Variants in LEPR observed in about 807,000 individuals in gnomAD.
LEPR encodes the protein leptin receptor, also known as OB receptor.
LEPR carries 56 observed loss-of-function variants against 114.7 expected under a neutral mutation model. The ratio of observed to expected loss-of-function variants is 0.49; its 90% CI spans 0.39 to 0.61. The LOEUF is 0.61. Ranked by LOEUF, LEPR falls within the 20% of genes least tolerant of loss-of-function variation. The pLI, the probability that LEPR is intolerant of heterozygous loss-of-function variation, is 0.00. For missense variants in LEPR, 1,202 were observed against 1,352.9 expected (o/e 0.89, Z 1.75); for synonymous variants, 443 against 461.4 (o/e 0.96, Z 0.51).
intron 2 of LEPR, among the ~76,000 whole-genome samples, chr1:65,460,707 A>T (rs1646934219): frequency 6.6e-6 from 1 of 151,778 alleles, no homozygotes; most frequent in South Asian, 2.1e-4. Context: ...AAATACAAAA[A>T]TTAGCCGGGC....
At chr1:65,590,976 T>C (rs1655657994) in intron 5 of LEPR, among the ~76,000 whole-genome samples, 1 of 152,038 alleles carries the variant, frequency 6.6e-6, no homozygotes, top group Admixed American at 6.6e-5. Flanking sequence ...AGTGCCTATA[T>C]TTAGTGTTAA....
chr1:65,429,772 A>G (rs1235865938), intron 2 of LEPR: 1 of 1,131,028 alleles, frequency 8.8e-7, no homozygotes, highest in Non-Finnish European at 1.2e-6. Context: ...AACATTTAAA[A>G]TAGCAATGAT....
intron 19 of LEPR, among the ~76,000 whole-genome samples, chr1:65,626,590 T>C (rs990086328): frequency 7.0e-6 from 1 of 142,950 alleles, no homozygotes; most frequent in Non-Finnish European, 1.5e-5. Flanking sequence ...TCTTCTAAAA[T>C]TCATTAACTT....
intron 2 of LEPR, among the ~76,000 whole-genome samples, chr1:65,483,702 T>C (rs1159180090): frequency 2.0e-5 from 3 of 152,186 alleles, no homozygotes; most frequent in East Asian, 3.9e-4. Context: ...ATTTCTCGAT[T>C]ATTCTTTTAT....
intron 2 of LEPR, among the ~76,000 whole-genome samples, chr1:65,539,420 G>A (rs764534241): frequency 6.6e-6 from 1 of 152,080 alleles, no homozygotes; most frequent in Non-Finnish European, 1.5e-5. Context: ...TGACTTCTGT[G>A]CATATGGGCA....
In LEPR at chr1:65,432,588, C is replaced by T. The variant is rs576288164; in HGVS notation, c.-21+7210C>T. ...GTTTAAAAAAAAAAAAAAAGTCTCA[C>T]CTGCTTTCATGCTGAGGACAAGTTC... On this transcript the variant is annotated intron_variant, in intron 2 of 19. Transcript: ENST00000349533. The T allele has an allele frequency of 5.1e-6, 5 of 978,586 alleles. No individual in the cohort carries two copies. In the South Asian group the frequency reaches 2.4e-4, roughly 46 times the overall value. 60.6% of individuals were successfully genotyped at this position (978,586 alleles called of 1,614,324 possible).
intron 10 of LEPR, among the ~76,000 whole-genome samples, chr1:65,603,247 G>T (rs959583082): frequency 1.3e-5 from 2 of 151,816 alleles, no homozygotes; most frequent in African/African-American, 4.8e-5. Context: ...CCAACTTTTC[G>T]ATTTCAAGTG....
At chr1:65,582,997 G>A (rs1486640599) in intron 5 of LEPR, among the ~76,000 whole-genome samples, 3 of 152,022 alleles carry the variant, frequency 2.0e-5, no homozygotes, top group African/African-American at 4.8e-5. Flanking sequence ...GAATAAGAGG[G>A]TCTGGATTAC....
At chr1:65,503,796 T>TAC (rs71584485) in intron 2 of LEPR, among the ~76,000 whole-genome samples, 5,251 of 147,308 alleles carry the variant, frequency 0.036, 102 homozygotes, top group Middle Eastern at 0.059. Context: ...TGAAGTTAGC[T>TAC]ACACACACAC....
chr1:65,518,771 C>T (rs769578392), intron 2 of LEPR, among the ~76,000 whole-genome samples: 1 of 152,180 alleles, frequency 6.6e-6, no homozygotes, highest in Non-Finnish European at 1.5e-5. Context: ...CAAGTATCAC[C>T]CTTCCTCCAG....
chr1:65,521,258 A>G (rs1428224920), intron 2 of LEPR, among the ~76,000 whole-genome samples: 1 of 152,252 alleles, frequency 6.6e-6, no homozygotes, highest in Non-Finnish European at 1.5e-5. Flanking sequence ...TGAAAATTAA[A>G]TGAGCGCTGG....
intron 2 of LEPR, among the ~76,000 whole-genome samples, chr1:65,548,386 C>G (rs1651959648): frequency 1.3e-5 from 2 of 152,138 alleles, no homozygotes; most frequent in South Asian, 4.1e-4. Context: ...TGTCGTTGAT[C>G]TGTCTAATGT....
At chr1:65,444,585 C>T (rs957491143) in intron 2 of LEPR, among the ~76,000 whole-genome samples, 2 of 28,306 alleles carry the variant, frequency 7.1e-5, no homozygotes, top group African/African-American at 1.4e-4. Context: ...TGGAGGCGGG[C>T]GGGGGGTGGG....
At chr1:65,518,780 A>G (rs1301710956) in intron 2 of LEPR, among the ~76,000 whole-genome samples, 1 of 152,054 alleles carries the variant, frequency 6.6e-6, no homozygotes, top group Admixed American at 6.5e-5. Flanking sequence ...CCCTTCCTCC[A>G]GTTTCCAATA....
At chr1:65,428,975 T>TTAA (rs1168537334) in intron 2 of LEPR, among the ~76,000 whole-genome samples, 1 of 152,176 alleles carries the variant, frequency 6.6e-6, no homozygotes, top group African/African-American at 2.4e-5. Context: ...TTTATTTTCA[T>TTAA]GCCTTCCGTA....
chr1:65,525,746 G>A, intron 2 of LEPR: 3 of 986,054 alleles, frequency 3.0e-6, no homozygotes, highest in South Asian at 4.7e-5. Context: ...AGCCGAGCGC[G>A]CGCGACGCAG....
At chr1:65,465,110 T>G (rs1646993600) in intron 2 of LEPR, among the ~76,000 whole-genome samples, 1 of 152,218 alleles carries the variant, frequency 6.6e-6, no homozygotes, top group Non-Finnish European at 1.5e-5. Flanking sequence ...CTTTTAACTG[T>G]GATGATAGGG....
intron 5 of LEPR, among the ~76,000 whole-genome samples, chr1:65,573,394 C>T (rs778111214): frequency 2.6e-5 from 4 of 152,012 alleles, no homozygotes; most frequent in South Asian, 2.1e-4. Context: ...AAAAAAGGTG[C>T]GTTTTATATT....
At chr1:65,592,448 C>T (rs928713654) in intron 5 of LEPR, among the ~76,000 whole-genome samples, 1 of 150,806 alleles carries the variant, frequency 6.6e-6, no homozygotes, top group Admixed American at 6.6e-5. Flanking sequence ...ACTTTTACGT[C>T]ATTATCTTTT....
Sources: allele counts gnomAD v4.1 joint callset (sites outside exome capture counted in the v4.1 genomes callset), GRCh38; gene constraint gnomAD v4.1.1; transcripts MANE v1.5; gene names NCBI Gene and HGNC (gene_info 2026-07-23, HGNC 2026-07-21).